SLC25A13: variants seen among roughly 807,000 people sequenced by gnomAD.
SLC25A13 encodes the protein solute carrier family 25 member 13.
In SLC25A13, 70 loss-of-function variants were observed where a neutral mutation model predicts 85.5. That is an observed-to-expected ratio of 0.82 (90% CI 0.68 to 1.00). The LOEUF (loss-of-function observed/expected upper bound fraction) is 1.00, where lower values mean the gene tolerates loss of function less well. Among genes scored for constraint, SLC25A13 ranks in the 50% least tolerant of loss-of-function variants. The pLI is 0.00. For synonymous variants in SLC25A13, 259 were observed against 288.7 expected, an observed-to-expected ratio of 0.90 and a Z score of 1.04; for missense variants, 765 against 819.8, an observed-to-expected ratio of 0.93 and a Z score of 0.82.
intron 13 of SLC25A13, among the ~76,000 whole-genome samples, chr7:96,147,144 G>GA (rs1792842581): frequency 6.6e-6 from 1 of 150,830 alleles, no homozygotes; most frequent in South Asian, 2.1e-4. Flanking sequence ...ACGGGGACTA[G>GA]GAGGACAAAG....
intron 4 of SLC25A13, among the ~76,000 whole-genome samples, chr7:96,228,699 G>A (rs975132272): frequency 6.6e-6 from 1 of 152,184 alleles, no homozygotes; most frequent in African/African-American, 2.4e-5. Flanking sequence ...TTGCAGGGAG[G>A]TGTGGAGATA....
Position 96,121,908 on chromosome 7 carries a change from C to CGCTGTAAGTGGTTTG in SLC25A13, c.1666_1680dup (p.Gln556_Ser560dup), listed in dbSNP as rs1791525679. ...ATCTTTCTAAAGCAGTCTATCACTC[C>CGCTGTAAGTGGTTTG]GCTGTAAGTGGTTTGGCCAGCCCGG... On this transcript the variant is annotated inframe_insertion, in exon 16 of 18. Coordinates refer to ENST00000265631, the MANE Select transcript of SLC25A13 (RefSeq NM_014251.3). 1 of 1,614,152 alleles carries CGCTGTAAGTGGTTTG rather than the reference C, an allele frequency of 6.2e-7. No homozygotes were observed. The highest frequency in any genetic ancestry group is 1.3e-5 in the African/African-American group (1 of 75,034).
rs1491335814 is a variant in SLC25A13 at position 96,154,799 on chromosome 7, TTC to T, written c.1312-8105_1312-8104del. Among the ~76,000 whole-genome samples, 306 of 116,516 alleles carry T rather than the reference TTC, an allele frequency of 2.6e-3. 14 individuals carry two copies. The highest frequency in any genetic ancestry group is 0.017 in the Middle Eastern group (4 of 232). 76.4% of individuals were successfully genotyped at this position (116,516 alleles called of 152,430 possible). The stretch of plus-strand genomic sequence containing the variant: ...GGTTTTGATACATTTCAGCATCTTT[TTC>T]TTTTTTTTTTTTTTAAGACAGAGTC... On this transcript the variant is annotated intron_variant, in intron 13 of 17. Coordinates refer to ENST00000265631, the MANE Select transcript of SLC25A13 (RefSeq NM_014251.3).
intron 7 of SLC25A13, among the ~76,000 whole-genome samples, chr7:96,190,742 AGCTGG>A (rs1401664533): frequency 6.6e-6 from 1 of 151,968 alleles, no homozygotes; most frequent in Non-Finnish European, 1.5e-5. Context: ...CCTCCCAAGT[AGCTGG>A]GATTACAGGT....
intron 12 of SLC25A13, among the ~76,000 whole-genome samples, chr7:96,171,069 C>T (rs1793975314): frequency 6.6e-6 from 1 of 152,164 alleles, no homozygotes; most frequent in African/African-American, 2.4e-5. Flanking sequence ...TCTAGTTCTC[C>T]CACTCATGAT....
At chr7:96,198,972 A>G (rs908957294) in intron 5 of SLC25A13, among the ~76,000 whole-genome samples, 2 of 152,240 alleles carry the variant, frequency 1.3e-5, no homozygotes, top group African/African-American at 4.8e-5. Flanking sequence ...AGGTACAGGT[A>G]GAAATACAGA....
rs17848731 is a variant in SLC25A13, at chr7:96,322,017, C to T, written c.-61G>A. ...TGACTGGCTGGCTGGCGTTTGGGAC[C>T]CGGGCGGCTCACTTCTAGTCCCGGC... On this transcript the variant is annotated 5_prime_UTR_variant, in exon 1 of 18. Coordinates refer to ENST00000265631, the MANE Select transcript of SLC25A13 (RefSeq NM_014251.3). 2.9e-5 allele frequency: 44 copies of T among 1,529,854 alleles called. No homozygotes were observed. In the East Asian group the frequency reaches 1.1e-3, roughly 39 times the overall value. The allele number at this position is 1,529,854 out of a possible 1,614,324, so 94.8% of individuals were successfully genotyped here.
At chr7:96,274,453 T>C (rs1436098840) in intron 3 of SLC25A13, among the ~76,000 whole-genome samples, 1 of 152,202 alleles carries the variant, frequency 6.6e-6, no homozygotes, top group Non-Finnish European at 1.5e-5. Flanking sequence ...TCCCATTCTG[T>C]AGGTTGCCTG....
intron 4 of SLC25A13, among the ~76,000 whole-genome samples, chr7:96,211,823 C>G (rs936971382): frequency 3.3e-5 from 5 of 152,174 alleles, no homozygotes; most frequent in Non-Finnish European, 7.3e-5. Context: ...AATCATCAGT[C>G]AACATCGTTT....
chr7:96,198,759 A>C (rs1267390180), intron 5 of SLC25A13, among the ~76,000 whole-genome samples: 6 of 152,132 alleles, frequency 3.9e-5, no homozygotes, highest in Non-Finnish European at 5.9e-5. Flanking sequence ...AGACTTTAAG[A>C]AAATTTTGAT....
chr7:96,321,839 G>C, intron 1 of SLC25A13, 103 bp downstream of exon 1: 1 of 1,383,458 alleles, frequency 7.2e-7, no homozygotes, highest in Non-Finnish European at 9.5e-7. Flanking sequence ...ACCCCATTTT[G>C]CTCCGCCTGT....
At chr7:96,315,276 C>T (rs1274165367) in intron 1 of SLC25A13, among the ~76,000 whole-genome samples, 2 of 152,176 alleles carry the variant, frequency 1.3e-5, no homozygotes, top group Non-Finnish European at 2.9e-5. Context: ...CAAGAAGGAG[C>T]CAGCAGGTCT....
chr7:96,303,190 G>C (rs1584596753), intron 1 of SLC25A13, among the ~76,000 whole-genome samples: 1 of 152,032 alleles, frequency 6.6e-6, no homozygotes, highest in East Asian at 1.9e-4. Context: ...CCCTTCCTCA[G>C]CAATACTTCC....
At chr7:96,295,125 G>A (rs1193216296) in intron 2 of SLC25A13, among the ~76,000 whole-genome samples, 1 of 152,120 alleles carries the variant, frequency 6.6e-6, no homozygotes, top group Non-Finnish European at 1.5e-5. Flanking sequence ...GGGAGGCCAA[G>A]GCGTGCAGAT....
intron 13 of SLC25A13, among the ~76,000 whole-genome samples, chr7:96,149,293 CTCTT>C (rs1562795524): frequency 6.6e-6 from 1 of 152,236 alleles, no homozygotes; most frequent in Non-Finnish European, 1.5e-5. Flanking sequence ...TCACAACAAA[CTCTT>C]TCTACATATC....
intron 13 of SLC25A13, among the ~76,000 whole-genome samples, chr7:96,160,898 C>G (rs994006178): frequency 2.6e-5 from 4 of 151,770 alleles, no homozygotes; most frequent in Non-Finnish European, 5.9e-5. Flanking sequence ...GCCTGGAGGA[C>G]TTTTTGAGAA....
chr7:96,236,476 G>A (rs936341453), intron 3 of SLC25A13, among the ~76,000 whole-genome samples: 2 of 152,148 alleles, frequency 1.3e-5, no homozygotes, highest in African/African-American at 4.8e-5. Context: ...AAGCACTAAG[G>A]GGCATAAAAG....
chr7:96,224,558 T>G (rs1042638455), intron 4 of SLC25A13, among the ~76,000 whole-genome samples: 1 of 152,098 alleles, frequency 6.6e-6, no homozygotes, highest in Non-Finnish European at 1.5e-5. Flanking sequence ...CAGAATTCTG[T>G]TCATATCAAA....
chr7:96,298,524 C>T (rs1168818518), intron 1 of SLC25A13, among the ~76,000 whole-genome samples: 4 of 152,076 alleles, frequency 2.6e-5, no homozygotes, highest in Admixed American at 6.5e-5. Context: ...ACCTCAGCCT[C>T]CCAGGTTCAA....
Sources: gnomAD v4.1 joint callset for allele counts (sites outside exome capture counted in the v4.1 genomes callset) on GRCh38, gnomAD v4.1.1 for gene constraint, MANE v1.5 for transcripts, NCBI Gene and HGNC (gene_info 2026-07-23, HGNC 2026-07-21) for gene names.